The following PRKG1 variants were observed in gnomAD, a reference collection of about 807,000 sequenced individuals.
PRKG1 encodes protein kinase cGMP-dependent 1, also known as cGMP-dependent protein kinase 1.
Under a neutral mutation model 88.1 loss-of-function variants are expected in PRKG1, and 35 were observed. That is an observed-to-expected ratio of 0.40 (90% CI 0.30 to 0.53). PRKG1 has a LOEUF of 0.53. Among genes scored for constraint, PRKG1 ranks in the 20% least tolerant of loss-of-function variants. The probability of loss-of-function intolerance (pLI) is 0.59; values close to 1 mark genes in which losing one functional copy is unlikely to be tolerated. For synonymous variants in PRKG1, 303 were observed against 292.5 expected (o/e 1.04, Z -0.37); for missense variants, 540 against 839.8 (o/e 0.64, Z 4.41).
At chr10:52,113,506 C>T (rs953696862) in intron 7 of PRKG1, among the ~76,000 whole-genome samples, 9 of 152,070 alleles carry the variant, frequency 5.9e-5, no homozygotes, top group African/African-American at 1.7e-4. Flanking sequence ...GCAGATTTGG[C>T]TGCTTTGTTC....
intron 1 of PRKG1, among the ~76,000 whole-genome samples, chr10:51,076,437 C>A (rs772853275): frequency 8.5e-5 from 13 of 152,200 alleles, no homozygotes; most frequent in Non-Finnish European, 1.9e-4. Context: ...GACCATCTCT[C>A]CTGGGCCAAG....
At chr10:51,144,955 T>A (rs1203917179) in intron 1 of PRKG1, among the ~76,000 whole-genome samples, 1 of 152,240 alleles carries the variant, frequency 6.6e-6, no homozygotes, top group African/African-American at 2.4e-5. Flanking sequence ...ACTGTATTTT[T>A]ACTAGCTGTA....
chr10:51,902,289 T>C (rs1039920100), intron 4 of PRKG1, among the ~76,000 whole-genome samples: 2 of 151,942 alleles, frequency 1.3e-5, no homozygotes, highest in African/African-American at 4.8e-5. Flanking sequence ...GCTAATTTTG[T>C]ATTTTTAGTA....
intron 9 of PRKG1, among the ~76,000 whole-genome samples, chr10:52,216,319 C>G (rs532207635): frequency 1.3e-5 from 2 of 152,292 alleles, no homozygotes; most frequent in African/African-American, 4.8e-5. Flanking sequence ...AGAGGTATCA[C>G]TTCAGTCAAC....
rs193257937 is a variant in PRKG1, at chr10:52,175,127, G to T, written c.1076+13164G>T. ...TCTGTGTCCTTTAACAACTCTCCTTGTCCGCCATTTTCTCCTAATTTTTCC... is the reference window on the plus strand; with the variant it reads ...TCTGTGTCCTTTAACAACTCTCCTTTTCCGCCATTTTCTCCTAATTTTTCC... On this transcript the variant is annotated intron_variant, in intron 9 of 17. Coordinates refer to ENST00000373980, the MANE Select transcript of PRKG1 (RefSeq NM_006258.4). Among the ~76,000 whole-genome samples the T allele has an allele frequency of 4.0e-3, 611 of 151,918 alleles. 2 individuals carry two copies. The highest frequency in any genetic ancestry group is 6.8e-3 in the Non-Finnish European group (462 of 67,862).
chr10:52,186,166 G>A (rs1839195794), intron 9 of PRKG1, among the ~76,000 whole-genome samples: 1 of 152,166 alleles, frequency 6.6e-6, no homozygotes, highest in Non-Finnish European at 1.5e-5. Flanking sequence ...TCTGCAGGCT[G>A]TACAAGAAGC....
chr10:51,337,777 T>C (rs1841913860), intron 2 of PRKG1, among the ~76,000 whole-genome samples: 1 of 152,104 alleles, frequency 6.6e-6, no homozygotes, highest in African/African-American at 2.4e-5. Flanking sequence ...TGCGGAGAAA[T>C]AGGAATGCTT....
intron 9 of PRKG1, among the ~76,000 whole-genome samples, chr10:52,216,650 G>A (rs1840120369): frequency 6.6e-6 from 1 of 152,102 alleles, no homozygotes; most frequent in South Asian, 2.1e-4. Context: ...TTTAAATGTG[G>A]CTGGAATTTC....
intron 3 of PRKG1, among the ~76,000 whole-genome samples, chr10:51,515,241 C>A (rs571761244): frequency 1.3e-5 from 2 of 152,142 alleles, no homozygotes; most frequent in African/African-American, 4.8e-5. Context: ...AGTTTTATTT[C>A]GTTCACAAGT....
chr10:52,190,474 G>T (rs1242293135), intron 9 of PRKG1, among the ~76,000 whole-genome samples: 1 of 152,048 alleles, frequency 6.6e-6, no homozygotes, highest in Non-Finnish European at 1.5e-5. Context: ...ACAATAATGG[G>T]TAACACTTGT....
intron 1 of PRKG1, among the ~76,000 whole-genome samples, chr10:51,065,023 A>G (rs577998777): frequency 2.0e-5 from 3 of 152,218 alleles, no homozygotes; most frequent in African/African-American, 7.2e-5. Flanking sequence ...ATTATAAATG[A>G]TCAGGTAGGA....
intron 3 of PRKG1, among the ~76,000 whole-genome samples, chr10:51,506,059 A>C (rs1046311027): frequency 6.6e-6 from 1 of 152,150 alleles, no homozygotes; most frequent in Non-Finnish European, 1.5e-5. Flanking sequence ...TGGGGAAAGG[A>C]TTCCCTAGTT....
At chr10:52,069,829 A>T (rs1846451638) in intron 7 of PRKG1, among the ~76,000 whole-genome samples, 1 of 151,650 alleles carries the variant, frequency 6.6e-6, no homozygotes, top group African/African-American at 2.4e-5. Flanking sequence ...CCCATGTGAA[A>T]TATTATTCTG....
At chr10:51,762,123 A>G (rs1475008882) in intron 3 of PRKG1, among the ~76,000 whole-genome samples, 1 of 152,222 alleles carries the variant, frequency 6.6e-6, no homozygotes, top group Non-Finnish European at 1.5e-5. Context: ...AGAACATGCT[A>G]TTGACCCTCA....
intron 9 of PRKG1, among the ~76,000 whole-genome samples, chr10:52,244,923 TTTAAA>T (rs1840984225): frequency 7.0e-6 from 1 of 143,106 alleles, no homozygotes; most frequent in African/African-American, 2.5e-5. Context: ...TATATATATA[TTTAAA>T]TATACTTTAA....
intron 5 of PRKG1, among the ~76,000 whole-genome samples, chr10:51,970,011 C>T (rs1843667159): frequency 9.5e-5 from 1 of 10,522 alleles, no homozygotes; most frequent in Admixed American, 2.0e-3. Context: ...TACACACACA[C>T]ACACACACAC....
intron 5 of PRKG1, among the ~76,000 whole-genome samples, chr10:51,934,113 GA>G (rs996260099): frequency 4.6e-5 from 7 of 152,004 alleles, no homozygotes; most frequent in Non-Finnish European, 1.0e-4. Context: ...TTGAAAGAAA[GA>G]AAAGCTTTGC....
chr10:51,692,268 A>G (rs1033910959), intron 3 of PRKG1, among the ~76,000 whole-genome samples: 3 of 151,898 alleles, frequency 2.0e-5, no homozygotes, highest in Non-Finnish European at 4.4e-5. Context: ...ATTCAACTAT[A>G]CCATTTCTCT....
At chr10:51,331,184 C>A (rs1841731988) in intron 2 of PRKG1, among the ~76,000 whole-genome samples, 1 of 152,070 alleles carries the variant, frequency 6.6e-6, no homozygotes, top group African/African-American at 2.4e-5. Context: ...AGTACTGGAA[C>A]AAGCTAGAAA....
Sources: allele counts gnomAD v4.1 joint callset (sites outside exome capture counted in the v4.1 genomes callset), GRCh38; gene constraint gnomAD v4.1.1; transcripts MANE v1.5; gene names NCBI Gene and HGNC (gene_info 2026-07-23, HGNC 2026-07-21).